HELB: variants seen among roughly 807,000 people sequenced by gnomAD.
HELB encodes the protein DNA 5'-3' helicase B.
Under a neutral mutation model 101.7 loss-of-function variants are expected in HELB, and 96 were observed. The observed-to-expected ratio is 0.94, with a 90% CI of 0.80 to 1.12. The LOEUF (loss-of-function observed/expected upper bound fraction) is 1.12, where lower values mean the gene tolerates loss of function less well. Ranked by LOEUF, HELB falls within the 50% of genes most tolerant of loss-of-function variation. HELB has a pLI of 0.00. For synonymous variants in HELB, 437 were observed against 459.7 expected (o/e 0.95, Z 0.63); for missense variants, 1,210 against 1,291.9 (o/e 0.94, Z 0.97).
At position 66,302,526 on chromosome 12, in the gene HELB, G is replaced by C. The variant is rs113999529; in HGVS notation, c.-78G>C. Reference sequence around the variant, plus strand: ...CCCGGAAGTTGATGGCCTTACAGTCGTAGAACTGATTGGCTGATCATGACC... The same window carrying C: ...CCCGGAAGTTGATGGCCTTACAGTCCTAGAACTGATTGGCTGATCATGACC... On this transcript the variant is annotated 5_prime_UTR_variant, in exon 1 of 13. Transcript: ENST00000247815. 3 of 1,416,790 alleles carry C rather than the reference G, an allele frequency of 2.1e-6. No individual in the cohort carries two copies. In the South Asian group the frequency reaches 3.7e-5, roughly 18 times the overall value. The allele number at this position is 1,416,790 out of a possible 1,614,324, so 87.8% of individuals were successfully genotyped here.
intron 11 of HELB, among the ~76,000 whole-genome samples, chr12:66,327,854 G>GA (rs1218762082): frequency 8.5e-5 from 13 of 152,310 alleles, no homozygotes; most frequent in Admixed American, 5.2e-4. Flanking sequence ...AAATCCTGTG[G>GA]AAAAGAGGTG....
Position 66,322,730 on chromosome 12 carries a change from C to T in HELB, c.2244C>T (p.Asp748=), listed in dbSNP as rs2053685548. 6.2e-7 allele frequency: 1 copy of T among 1,609,486 alleles called. No individual in the cohort carries two copies. The highest frequency in any genetic ancestry group is 8.5e-7 in the Non-Finnish European group (1 of 1,177,522). The change falls in exon 9 of 13, where the codon GAC becomes GAT. Residue 748 remains aspartate (D), a synonymous_variant. Transcript: ENST00000247815. ...GCATTTTCGTGTGTTTCAGGCAAGA[C>T]TGTGATCTAATTAATGACTGCTGCT... ...TSQFIAFRRQ[D]CDLINDCCCK... is the part of the protein sequence containing the mutation.
chr12:66,307,512 C>A (rs142941083), intron 3 of HELB, among the ~76,000 whole-genome samples: 2 of 152,172 alleles, frequency 1.3e-5, no homozygotes, highest in Non-Finnish European at 2.9e-5. Context: ...ATTAACAATA[C>A]ACATTGTGTT....
At position 66,325,133 on chromosome 12, in the gene HELB, G is replaced by T; in HGVS notation, c.2670+7G>T. On this transcript the variant is annotated splice_region_variant and intron_variant, in intron 11 of 12. Transcript: ENST00000247815. ...AACTATTCACACTTTTCAGGTAAGA[G>T]GAGACTTTTATCAAACCTTTTAAAT... is the stretch of plus-strand genomic sequence containing the variant. 6.4e-7 allele frequency: 1 copy of T among 1,571,322 alleles called. No individual in the cohort carries two copies. The highest frequency in any genetic ancestry group is 8.7e-7 in the Non-Finnish European group (1 of 1,147,608).
Position 66,314,091 on chromosome 12 carries a change from T to A in HELB, c.1786T>A (p.Ser596Thr), listed in dbSNP as rs1273576646. 1 of 1,613,798 alleles carries A rather than the reference T, an allele frequency of 6.2e-7. No homozygotes were observed. Reference sequence around the variant, plus strand: ...GGTTGTGGATGAAGGGAGTTTGGTATCTGTAGGAATCTTCAAATCGGTCTT... The same window carrying A: ...GGTTGTGGATGAAGGGAGTTTGGTAACTGTAGGAATCTTCAAATCGGTCTT... ...VLVVDEGSLVSVGIFKSVLNL... is the reference protein window; with the variant it reads ...VLVVDEGSLVTVGIFKSVLNL... The change falls in exon 5 of 13, where the codon TCT (serine) becomes ACT (threonine). Residue 596 changes from serine to threonine, a missense_variant. Physicochemically the swap from Ser to Thr is moderately conservative, Grantham distance 58 (BLOSUM62 1). This residue lies in a region of HELB where 740 missense variants were observed against 728.8 expected (regional missense o/e 1.02). Coordinates refer to ENST00000247815, the MANE Select transcript of HELB (RefSeq NM_001370285.1).
intron 7 of HELB, among the ~76,000 whole-genome samples, chr12:66,320,524 TCTTTGCCA>T (rs2053658410): frequency 6.6e-6 from 1 of 152,216 alleles, no homozygotes; most frequent in South Asian, 2.1e-4. Flanking sequence ...TAGATCTCTT[TCTTTGCCA>T]CTTCACTTAA....
chr12:66,313,535 G>C (rs190610288), intron 4 of HELB, among the ~76,000 whole-genome samples: 4 of 152,182 alleles, frequency 2.6e-5, no homozygotes, highest in African/African-American at 9.6e-5. Context: ...TTGTTGTTGG[G>C]GGTGGTGCGG....
downstream of HELB, chr12:66,339,587 C>A (rs1251062949): frequency 1.3e-5 from 2 of 152,228 alleles, no homozygotes; most frequent in African/African-American, 2.4e-5. Context: ...CATGGAGAAA[C>A]CCCGTCTCTA....
chr12:66,315,604 G>A (rs2053595783), intron 6 of HELB, among the ~76,000 whole-genome samples: 2 of 152,150 alleles, frequency 1.3e-5, no homozygotes, highest in South Asian at 4.1e-4. Context: ...AAAAATGGAT[G>A]AGGTTTCCTG....
At chr12:66,337,607 C>G (rs1374152560) in intron 12 of HELB, among the ~76,000 whole-genome samples, 2 of 150,118 alleles carry the variant, frequency 1.3e-5, no homozygotes, top group Admixed American at 6.6e-5. Context: ...CTCCAGGACT[C>G]AGGCCCACAC....
chr12:66,304,658 G>A (rs2118139), intron 1 of HELB, 73 bp from the exon 2 acceptor site: 746,577 of 1,407,548 alleles, frequency 0.53, 199,732 homozygotes, highest in African/African-American at 0.65. Flanking sequence ...TAAGTTTGAT[G>A]AAACTTTGAG....
chr12:66,315,454 G>A (rs2053594055), intron 6 of HELB, 71 bp downstream of exon 6: 6 of 1,176,416 alleles, frequency 5.1e-6, no homozygotes, highest in Non-Finnish European at 6.9e-6. Context: ...CTTTGAATTA[G>A]AATGATTTAG....
intron 12 of HELB, among the ~76,000 whole-genome samples, chr12:66,332,550 G>C (rs2053821898): frequency 6.6e-6 from 1 of 152,192 alleles, no homozygotes; most frequent in African/African-American, 2.4e-5. Flanking sequence ...CCACCTGTTA[G>C]TCACTTGCCA....
At chr12:66,337,292 C>T (rs1174005406) in intron 12 of HELB, among the ~76,000 whole-genome samples, 1 of 152,172 alleles carries the variant, frequency 6.6e-6, no homozygotes. Flanking sequence ...CCCAGGTCAA[C>T]TCTTTGATAG....
intron 12 of HELB, among the ~76,000 whole-genome samples, chr12:66,334,612 C>G (rs1371795043): frequency 1.3e-5 from 2 of 151,838 alleles, no homozygotes; most frequent in Non-Finnish European, 2.9e-5. Flanking sequence ...CCATCTCTAC[C>G]AAAAATGCAA....
chr12:66,312,966 A>G (rs1183518470), intron 4 of HELB, among the ~76,000 whole-genome samples: 3 of 152,214 alleles, frequency 2.0e-5, no homozygotes, highest in African/African-American at 7.2e-5. Flanking sequence ...GGAGTCATCA[A>G]GTTGCTGATA....
At chr12:66,334,316 G>C (rs1252135298) in intron 12 of HELB, among the ~76,000 whole-genome samples, 4 of 151,842 alleles carry the variant, frequency 2.6e-5, no homozygotes, top group Admixed American at 6.6e-5. Flanking sequence ...TAAAAAATTA[G>C]CTGAACTTGG....
chr12:66,324,803 A>G (rs1348729024), intron 10 of HELB, 180 bp from the exon 11 acceptor site: 1 of 611,688 alleles, frequency 1.6e-6, no homozygotes, highest in Non-Finnish European at 2.8e-6. Context: ...TGTTTATTAA[A>G]ATATTTAGGT....
downstream of HELB, chr12:66,338,277 C>G (rs1183274): frequency 0.46 from 266,584 of 576,788 alleles, 63,165 homozygotes; most frequent in East Asian, 0.59. Flanking sequence ...AACACGTCAT[C>G]ATGAGAACTG....
Sources: gnomAD v4.1 joint callset for allele counts (sites outside exome capture counted in the v4.1 genomes callset) on GRCh38, gnomAD v4.1.1 for gene constraint, gnomAD v4.1.1 regional missense constraint, MANE v1.5 for transcripts, NCBI Gene and HGNC (gene_info 2026-07-23, HGNC 2026-07-21) for gene names.